DPYD: variants seen among roughly 807,000 people sequenced by gnomAD.
DPYD encodes the protein dihydropyrimidine dehydrogenase [NADP(+)].
A neutral mutation model predicts 116.2 loss-of-function variants in DPYD; 109 were observed. The observed-to-expected ratio is 0.94, with a 90% CI of 0.80 to 1.10. The LOEUF (loss-of-function observed/expected upper bound fraction) is 1.10. Among genes scored for constraint, DPYD ranks in the 50% least tolerant of loss-of-function variants. The pLI is 0.00. For missense variants in DPYD, 1,302 were observed against 1,254.5 expected (o/e 1.04, Z -0.57); for synonymous variants, 440 against 432.0 (o/e 1.02, Z -0.23).
At chr1:97,363,216 G>A (rs1670839547) in intron 16 of DPYD, among the ~76,000 whole-genome samples, 1 of 152,124 alleles carries the variant, frequency 6.6e-6, no homozygotes, top group Non-Finnish European at 1.5e-5. Context: ...CATCATCACT[G>A]GTCATCAGAG....
At chr1:97,701,435 C>A (rs1661592625) in intron 5 of DPYD, among the ~76,000 whole-genome samples, 1 of 151,454 alleles carries the variant, frequency 6.6e-6, no homozygotes, top group African/African-American at 2.4e-5. Context: ...ATAGAAGTGG[C>A]CAATGAATAA....
At chr1:97,708,080 C>T (rs1005505438) in intron 5 of DPYD, among the ~76,000 whole-genome samples, 1 of 151,992 alleles carries the variant, frequency 6.6e-6, no homozygotes, top group African/African-American at 2.4e-5. Flanking sequence ...TTCAAGCAAA[C>T]CTCCCTCAGC....
chr1:97,364,811 G>A (rs1323454335), intron 16 of DPYD, among the ~76,000 whole-genome samples: 1 of 152,072 alleles, frequency 6.6e-6, no homozygotes, highest in East Asian at 1.9e-4. Flanking sequence ...ATACTCCTAA[G>A]TTGTAAAATG....
At chr1:97,442,414 AAATACTTGGCTACATGG>A (rs1675847853) in intron 14 of DPYD, among the ~76,000 whole-genome samples, 1 of 151,016 alleles carries the variant, frequency 6.6e-6, no homozygotes, top group Non-Finnish European at 1.5e-5. Context: ...TATGTCAAGA[AAATACTTGGCTACATGG>A]AGCCGTAAAC....
intron 11 of DPYD, among the ~76,000 whole-genome samples, chr1:97,551,073 G>A (rs977340754): frequency 2.0e-5 from 3 of 152,088 alleles, no homozygotes; most frequent in Non-Finnish European, 4.4e-5. Flanking sequence ...ACAGTTTTTG[G>A]AGCAGAGGAC....
chr1:97,667,893 T>C (rs1659649506), intron 8 of DPYD, among the ~76,000 whole-genome samples: 1 of 152,102 alleles, frequency 6.6e-6, no homozygotes. Flanking sequence ...AGAATAAAAT[T>C]GTGACACATG....
intron 13 of DPYD, among the ~76,000 whole-genome samples, chr1:97,497,590 CT>C (rs1457899033): frequency 6.6e-6 from 1 of 151,726 alleles, no homozygotes; most frequent in Non-Finnish European, 1.5e-5. Flanking sequence ...ACTTTTTCTA[CT>C]TATCAATAAC....
intron 3 of DPYD, among the ~76,000 whole-genome samples, chr1:97,823,347 G>C (rs1024782221): frequency 6.6e-6 from 1 of 151,906 alleles, no homozygotes; most frequent in African/African-American, 2.4e-5. Flanking sequence ...GTAGAGACGG[G>C]GTTTCACCGT....
At chr1:97,882,727 G>A (rs1476366594) in intron 2 of DPYD, among the ~76,000 whole-genome samples, 1 of 151,902 alleles carries the variant, frequency 6.6e-6, no homozygotes, top group African/African-American at 2.4e-5. Flanking sequence ...TCAGAGAAAT[G>A]CTGTTTTGCT....
chr1:97,326,332 C>G (rs1668703404), intron 16 of DPYD, among the ~76,000 whole-genome samples: 2 of 151,902 alleles, frequency 1.3e-5, no homozygotes, highest in South Asian at 4.1e-4. Context: ...TATGGGACAT[C>G]TACCTGAAAG....
At chr1:97,845,152 C>A (rs1368431836) in intron 2 of DPYD, among the ~76,000 whole-genome samples, 3 of 152,142 alleles carry the variant, frequency 2.0e-5, no homozygotes, top group African/African-American at 7.2e-5. Context: ...TGGAAAGGGG[C>A]GGGTCCCCAG....
chr1:97,911,382 A>T (rs1281423281), intron 1 of DPYD, among the ~76,000 whole-genome samples: 1 of 152,116 alleles, frequency 6.6e-6, no homozygotes, highest in Non-Finnish European at 1.5e-5. Flanking sequence ...TTCAGAAAAG[A>T]CAGAGCCTTA....
At chr1:97,605,872 T>A (rs187753995) in intron 8 of DPYD, among the ~76,000 whole-genome samples, 1 of 151,980 alleles carries the variant, frequency 6.6e-6, no homozygotes, top group Non-Finnish European at 1.5e-5. Flanking sequence ...TTTCTTGATA[T>A]TTTTTCTTCC....
At chr1:97,131,245 T>TC (rs925111885) in intron 20 of DPYD, among the ~76,000 whole-genome samples, 5 of 152,268 alleles carry the variant, frequency 3.3e-5, no homozygotes, top group Admixed American at 6.5e-5. Context: ...AATATGGTAC[T>TC]CATCCTTATT....
chr1:97,796,405 A>C (rs981936392), intron 3 of DPYD, among the ~76,000 whole-genome samples: 1 of 152,134 alleles, frequency 6.6e-6, no homozygotes, highest in Non-Finnish European at 1.5e-5. Context: ...GGAATCTCTG[A>C]GTCTACATTG....
intron 15 of DPYD, among the ~76,000 whole-genome samples, chr1:97,377,775 G>A (rs1196237865): frequency 1.3e-5 from 2 of 152,190 alleles, no homozygotes; most frequent in Admixed American, 1.3e-4. Flanking sequence ...GGGCAAGACA[G>A]GTGAGCACGA....
chr1:97,497,467 A>C (rs1570840198), intron 13 of DPYD, among the ~76,000 whole-genome samples: 1 of 151,960 alleles, frequency 6.6e-6, no homozygotes, highest in East Asian at 1.9e-4. Flanking sequence ...TTTCTGAATA[A>C]GGGGAAAAAA....
At chr1:97,621,449 T>G (rs1656627284) in intron 8 of DPYD, among the ~76,000 whole-genome samples, 1 of 152,092 alleles carries the variant, frequency 6.6e-6, no homozygotes, top group African/African-American at 2.4e-5. Flanking sequence ...TTAATACAGA[T>G]ACATATGGTT....
At chr1:97,249,184 T>G (rs1424749300) in intron 18 of DPYD, among the ~76,000 whole-genome samples, 2 of 151,686 alleles carry the variant, frequency 1.3e-5, no homozygotes, top group Non-Finnish European at 2.9e-5. Context: ...GATTTCATTT[T>G]AGGACTTGCT....
Sources: allele counts gnomAD v4.1 joint callset (sites outside exome capture counted in the v4.1 genomes callset), GRCh38; gene constraint gnomAD v4.1.1; transcripts MANE v1.5; gene names NCBI Gene and HGNC (gene_info 2026-07-23, HGNC 2026-07-21).